ADAMTS8: variants seen among roughly 807,000 people sequenced by gnomAD.
The protein encoded by ADAMTS8 is A disintegrin and metalloproteinase with thrombospondin motifs 8.
Under a neutral mutation model 64.4 loss-of-function variants are expected in ADAMTS8, and 50 were observed. That is an observed-to-expected ratio of 0.78 (90% CI 0.62 to 0.98). The LOEUF (loss-of-function observed/expected upper bound fraction) is 0.98, where lower values mean the gene tolerates loss of function less well. ADAMTS8 is among the 50% of genes least tolerant of loss of function. The pLI is 0.00. For missense variants in ADAMTS8, 1,192 were observed against 1,208.2 expected (o/e 0.99, Z 0.20); for synonymous variants, 556 against 533.6 (o/e 1.04, Z -0.58).
intron 5 of ADAMTS8, among the ~76,000 whole-genome samples, chr11:130,413,958 C>A (rs1329729213): frequency 6.6e-6 from 1 of 152,168 alleles, no homozygotes; most frequent in Non-Finnish European, 1.5e-5. Context: ...AGCCCCAAAG[C>A]AGCTCCCTAA....
Position 130,419,119 on chromosome 11 carries a change from C to T in ADAMTS8, c.894G>A (p.Arg298=). 6.2e-7 allele frequency: 1 copy of T among 1,614,192 alleles called. No individual in the cohort carries two copies. Among genetic ancestry groups the T allele is most frequent in the Non-Finnish European group, 8.5e-7 (1 of 1,180,048 alleles). ...LTLRNFCNWQ[R]RFNQPSDRHP... ...GGCGGTCGCTGGGCTGGTTGAAACGCCGCTGCCAGTTGCAGAAGTTACGCA... is the reference window on the plus strand; with the variant it reads ...GGCGGTCGCTGGGCTGGTTGAAACGTCGCTGCCAGTTGCAGAAGTTACGCA... The change falls in exon 2 of 9, where the codon CGG becomes CGA. Residue 298 remains arginine, a synonymous_variant. Transcript: ENST00000257359.
chr11:130,412,956 C>T (rs551438953), intron 5 of ADAMTS8, among the ~76,000 whole-genome samples: 6 of 152,226 alleles, frequency 3.9e-5, no homozygotes, highest in South Asian at 4.1e-4. Context: ...CTGCAACTGC[C>T]GCCTCCTGGG....
Position 130,405,216 on chromosome 11 carries a change from T to A in ADAMTS8, c.*342A>T, listed in dbSNP as rs892176656. The A allele has an allele frequency of 2.8e-6, 3 of 1,065,414 alleles. No homozygotes were observed. Among genetic ancestry groups the A allele is most frequent in the Non-Finnish European group, 3.4e-6 (3 of 882,556 alleles). The allele number at this position is 1,065,414 out of a possible 1,614,324, so 66.0% of individuals were successfully genotyped here. On this transcript the variant is annotated 3_prime_UTR_variant, in exon 9 of 9. Transcript: ENST00000257359. ...ATTTATCGGGGAAACCAGATAGAAT[T>A]TTTTTTTTCATTTAAGTTTGCTAGT...
intron 5 of ADAMTS8, among the ~76,000 whole-genome samples, chr11:130,413,845 GTC>G (rs1861983491): frequency 6.6e-6 from 1 of 152,156 alleles, no homozygotes; most frequent in Non-Finnish European, 1.5e-5. Flanking sequence ...TATTCCGCGT[GTC>G]TCTGTGTTCA....
chr11:130,420,723 G>A (rs1862088710), intron 1 of ADAMTS8, among the ~76,000 whole-genome samples: 1 of 152,306 alleles, frequency 6.6e-6, no homozygotes, highest in African/African-American at 2.4e-5. Context: ...ACAAGCAGGG[G>A]TTGGCAGGTT....
intron 6 of ADAMTS8, 33 bp from the exon 7 acceptor site, chr11:130,408,973 A>G: frequency 4.6e-6 from 7 of 1,506,192 alleles, no homozygotes; most frequent in Non-Finnish European, 6.2e-6. Context: ...TGGAGGTGAC[A>G]CCCATGCGGA....
At position 130,427,997 on chromosome 11, in the gene ADAMTS8, A is replaced by AGCCCCCGCTC. The variant is rs1240019089; in HGVS notation, c.280_289dup (p.Leu97ArgfsTer106). Reference sequence around the variant, plus strand: ...GGTGCCGGAGAAGAAGCAGCCGCGCAGCCCCCGCTCGCCCCCGGTCGCCCG... The same window carrying AGCCCCCGCTC: ...GGTGCCGGAGAAGAAGCAGCCGCGCAGCCCCCGCTCGCCCCCGCTCGCCCCCGGTCGCCCG... On this transcript the variant is annotated frameshift_variant, in exon 1 of 9. Transcript: ENST00000257359. LOFTEE classifies it high-confidence loss of function. 2 of 1,527,240 alleles carry AGCCCCCGCTC rather than the reference A, an allele frequency of 1.3e-6. No individual in the cohort carries two copies. Among genetic ancestry groups the AGCCCCCGCTC allele is most frequent in the South Asian group, 1.2e-5 (1 of 83,536 alleles). 94.6% of individuals were successfully genotyped at this position (1,527,240 alleles called of 1,614,324 possible). A position where few individuals can be genotyped will look rare whatever the true frequency, so the allele number is the denominator to read the frequency against.
chr11:130,420,646 C>G (rs1862087704), intron 1 of ADAMTS8, among the ~76,000 whole-genome samples: 1 of 152,022 alleles, frequency 6.6e-6, no homozygotes, highest in Non-Finnish European at 1.5e-5. Context: ...CAGATGAATC[C>G]CATTATTTGT....
chr11:130,428,261 C>CG lies in ADAMTS8; in HGVS notation c.25dup (p.Arg9ProfsTer191). The CG allele has an allele frequency of 8.3e-7, 1 of 1,202,592 alleles. No homozygotes were observed. Among genetic ancestry groups the CG allele is most frequent in the Admixed American group, 4.6e-5 (1 of 21,936 alleles). 74.5% of individuals were successfully genotyped at this position (1,202,592 alleles called of 1,614,324 possible). A position where few individuals can be genotyped will look rare whatever the true frequency, so the allele number is the denominator to read the frequency against. On this transcript the variant is annotated frameshift_variant, in exon 1 of 9. Coordinates refer to ENST00000257359, the MANE Select transcript of ADAMTS8 (RefSeq NM_007037.6). LOFTEE classifies it high-confidence loss of function. ...CAGCAGCAGCAGGAGCGGAGGCCAC[C>CG]GGGGGGCGGCGGGGGCGGGGAGCAT...
rs373071490 is a variant in ADAMTS8 at position 130,427,771 on chromosome 11, T to C, written c.516A>G (p.Gly172=). Reference sequence around the variant, plus strand: ...CTCCTCTCTCCTGCCTCTGACCCTCTCCCGTCTCCACCTCCCACTCGGGTC... The same window carrying C: ...CTCCTCTCTCCTGCCTCTGACCCTCCCCCGTCTCCACCTCCCACTCGGGTC... ...PRGPEWEVET[G]EGQRQERGDH... The change falls in exon 1 of 9, where the codon GGA becomes GGG. Residue 172 remains glycine, a synonymous_variant. Transcript: ENST00000257359. 1 of 1,592,568 alleles carries C rather than the reference T, an allele frequency of 6.3e-7. No homozygotes were observed. The highest frequency in any genetic ancestry group is 8.5e-7 in the Non-Finnish European group (1 of 1,170,672).
chr11:130,417,105 CA>C, intron 2 of ADAMTS8, 30 bp from the exon 3 acceptor site: 1 of 1,612,800 alleles, frequency 6.2e-7, no homozygotes, highest in Non-Finnish European at 8.5e-7. Context: ...CAAGAGAGTG[CA>C]TCAGTGTGTG....
At position 130,409,029 on chromosome 11, in the gene ADAMTS8, T is replaced by A. The variant is rs2291344; in HGVS notation, c.1751-89A>T. 8.9e-6 allele frequency: 13 copies of A among 1,454,866 alleles called. No homozygotes were observed. The East Asian group carries it at 1.5e-4, about 16-fold the overall frequency. The allele number at this position is 1,454,866 out of a possible 1,614,324, so 90.1% of individuals were successfully genotyped here. ...AAATCCCGAATTTACAGCACTTTTCTTCTTTCTTTTGGTTTTGAACTCAAC... is the reference window on the plus strand; with the variant it reads ...AAATCCCGAATTTACAGCACTTTTCATCTTTCTTTTGGTTTTGAACTCAAC... On this transcript the variant is annotated intron_variant, in intron 6 of 8. Transcript: ENST00000257359.
In ADAMTS8 at chr11:130,414,753, C is replaced by T; in HGVS notation, c.1344G>A (p.Leu448=). The T allele has an allele frequency of 6.2e-7, 1 of 1,613,528 alleles. No homozygotes were observed. The highest frequency in any genetic ancestry group is 8.5e-7 in the Non-Finnish European group (1 of 1,180,040). Residue 448 remains leucine, a synonymous_variant, in exon 5 of 9, where the codon CTG becomes CTA. Coordinates refer to ENST00000257359, the MANE Select transcript of ADAMTS8 (RefSeq NM_007037.6). ...CAAAGATCTGCCTGCACTGCTGGTC[C>T]AGCTGGTACAGGGCCATGCGGCCCG... ...GLPGRMALYQ[L]DQQCRQIFGP...
chr11:130,423,037 G>A (rs1862120647), intron 1 of ADAMTS8, among the ~76,000 whole-genome samples: 1 of 152,232 alleles, frequency 6.6e-6, no homozygotes, highest in African/African-American at 2.4e-5. Context: ...ACAGAAATAG[G>A]TGACTTGCTC....
At chr11:130,407,996 G>A (rs1411768696) in intron 8 of ADAMTS8, among the ~76,000 whole-genome samples, 2 of 152,156 alleles carry the variant, frequency 1.3e-5, no homozygotes, top group Non-Finnish European at 2.9e-5. Flanking sequence ...AAAGCCCTGA[G>A]GCTGCCAGGG....
At chr11:130,425,670 C>T (rs370358159) in intron 1 of ADAMTS8, among the ~76,000 whole-genome samples, 6 of 151,326 alleles carry the variant, frequency 4.0e-5, no homozygotes, top group South Asian at 2.1e-4. Flanking sequence ...GCGCGGTCTC[C>T]GCTCACTGCA....
At position 130,406,086 on chromosome 11, in the gene ADAMTS8, A is replaced by G; in HGVS notation, c.2142T>C (p.Thr714=). 1.2e-6 allele frequency: 2 copies of G among 1,612,882 alleles called. No homozygotes were observed. The highest frequency in any genetic ancestry group is 1.7e-6 in the Non-Finnish European group (2 of 1,179,966). Residue 714 remains threonine, a synonymous_variant, in exon 9 of 9, where the codon ACT becomes ACC. Transcript: ENST00000257359. ...NDIVTIPAGA[T]NIDVKQRSHP... ...GGCTCCGCTGCTTCACGTCAATATT[A>G]GTGGCACCAGCTGGGATGGTGACAA...
At chr11:130,407,462 G>GAGAC (rs909199563) in intron 8 of ADAMTS8, among the ~76,000 whole-genome samples, 3 of 152,304 alleles carry the variant, frequency 2.0e-5, no homozygotes, top group Non-Finnish European at 2.9e-5. Context: ...GAGAGATGTA[G>GAGAC]AGACAGACAG....
rs982812112 is a variant in ADAMTS8, at chr11:130,428,271, C to G, written c.16G>C (p.Ala6Pro). MLPAP[A>P]APRWPPLLLL... ...AGGAGCGGAGGCCACCGGGGGGCGG[C>G]GGGGGCGGGGAGCATGGGGGCTGCG... Residue 6 changes from alanine (A) to proline (P), a missense_variant, in exon 1 of 9, where the codon GCC (alanine) becomes CCC (proline). By Grantham distance (27) the Ala-to-Pro change is conservative (BLOSUM62 -1). Transcript: ENST00000257359. 8.4e-7 allele frequency: 1 copy of G among 1,193,000 alleles called. No homozygotes were observed. Among genetic ancestry groups the G allele is most frequent in the South Asian group, 3.8e-5 (1 of 26,638 alleles). The allele number at this position is 1,193,000 out of a possible 1,614,324, so 73.9% of individuals were successfully genotyped here. A position where few individuals can be genotyped will look rare whatever the true frequency, so the allele number is the denominator to read the frequency against.
Sources: gnomAD v4.1 joint callset for allele counts (sites outside exome capture counted in the v4.1 genomes callset) on GRCh38, gnomAD v4.1.1 for gene constraint, MANE v1.5 for transcripts, NCBI Gene and HGNC (gene_info 2026-07-23, HGNC 2026-07-21) for gene names.